The following ARB2A variants were observed in gnomAD, a reference collection of about 807,000 sequenced individuals.
The protein encoded by ARB2A is cotranscriptional regulator ARB2A.
At chr5:94,104,339 G>GA in the ARB2A span, among the ~76,000 whole-genome samples, 1 of 148,502 alleles carries the variant, frequency 6.7e-6, no homozygotes. Flanking sequence ...TGACCCCACA[G>GA]AAATAAAAAA....
chr5:94,095,360 A>G, the ARB2A span, among the ~76,000 whole-genome samples: 139 of 152,306 alleles, frequency 9.1e-4, 1 homozygote, highest in African/African-American at 3.2e-3. Flanking sequence ...AATCGAGATA[A>G]GAGTAACCAT....
the ARB2A span, among the ~76,000 whole-genome samples, chr5:94,053,727 G>C: frequency 6.6e-6 from 1 of 152,024 alleles, no homozygotes; most frequent in African/African-American, 2.4e-5. Flanking sequence ...CACATCATTT[G>C]AATCCATGCA....
the ARB2A span, among the ~76,000 whole-genome samples, chr5:93,835,129 A>C: frequency 6.6e-6 from 1 of 152,222 alleles, no homozygotes; most frequent in African/African-American, 2.4e-5. Context: ...GGAATTTCCT[A>C]ATGTACTCTT....
chr5:93,869,281 G>C, the ARB2A span, among the ~76,000 whole-genome samples: 2 of 152,138 alleles, frequency 1.3e-5, no homozygotes, highest in Non-Finnish European at 2.9e-5. Flanking sequence ...GAAGGTTGTG[G>C]GAGTAGAGAG....
chr5:93,740,517 C>T, the ARB2A span: 3 of 1,504,754 alleles, frequency 2.0e-6, no homozygotes, highest in South Asian at 3.9e-5. Context: ...AGGGACATTT[C>T]CTGGGTTTTC....
chr5:93,779,088 A>AGAGT, the ARB2A span, among the ~76,000 whole-genome samples: 4 of 99,740 alleles, frequency 4.0e-5, no homozygotes, highest in African/African-American at 1.1e-4. Context: ...TGGTCATTTC[A>AGAGT]GAGTGTGTGT....
the ARB2A span, among the ~76,000 whole-genome samples, chr5:94,076,368 ACT>A: frequency 6.6e-6 from 1 of 152,100 alleles, no homozygotes; most frequent in Non-Finnish European, 1.5e-5. Context: ...GTAACTCAAA[ACT>A]CTATAATTTC....
chr5:93,898,711 T>C, the ARB2A span, among the ~76,000 whole-genome samples: 2 of 152,106 alleles, frequency 1.3e-5, no homozygotes, highest in South Asian at 2.1e-4. Flanking sequence ...CAAAAAATGA[T>C]ATGATTGGCT....
chr5:93,978,086 A>G, the ARB2A span, among the ~76,000 whole-genome samples: 1 of 152,194 alleles, frequency 6.6e-6, no homozygotes, highest in Non-Finnish European at 1.5e-5. Context: ...CAATATTCAA[A>G]TGGCTGTTAT....
At chr5:94,033,100 T>C in the ARB2A span, among the ~76,000 whole-genome samples, 6 of 152,140 alleles carry the variant, frequency 3.9e-5, no homozygotes, top group Non-Finnish European at 7.4e-5. Flanking sequence ...ACATGCCTGC[T>C]TCCCCTTCTG....
chr5:94,008,149 A>G, the ARB2A span, among the ~76,000 whole-genome samples: 1 of 152,222 alleles, frequency 6.6e-6, no homozygotes, highest in African/African-American at 2.4e-5. Flanking sequence ...GCATTTCTCT[A>G]CCACCTTTTA....
the ARB2A span, among the ~76,000 whole-genome samples, chr5:94,022,828 T>C: frequency 6.6e-6 from 1 of 152,220 alleles, no homozygotes; most frequent in African/African-American, 2.4e-5. Context: ...CAAGAAGCAC[T>C]GGCTTGTAGG....
At chr5:93,778,415 TATGTAA>T in the ARB2A span, among the ~76,000 whole-genome samples, 1 of 152,226 alleles carries the variant, frequency 6.6e-6, no homozygotes. Context: ...AGTGTCAAGA[TATGTAA>T]ATGGATGATT....
At chr5:93,958,776 C>T in the ARB2A span, 5 of 1,491,452 alleles carry the variant, frequency 3.4e-6, no homozygotes, top group Non-Finnish European at 4.5e-6. Flanking sequence ...ATTGTACTTA[C>T]AGCCACAGCT....
At chr5:94,084,560 A>C in the ARB2A span, among the ~76,000 whole-genome samples, 4 of 152,218 alleles carry the variant, frequency 2.6e-5, no homozygotes, top group Non-Finnish European at 4.4e-5. Context: ...AAAAAGTTAC[A>C]TGGAAAGAGA....
chr5:93,682,901 T>C, the ARB2A span: 1 of 1,551,702 alleles, frequency 6.4e-7, no homozygotes, highest in Non-Finnish European at 8.8e-7. Context: ...CCGGAAGCAA[T>C]TCTTCACATA....
the ARB2A span, among the ~76,000 whole-genome samples, chr5:93,882,868 C>G: frequency 6.6e-6 from 1 of 151,318 alleles, no homozygotes; most frequent in Admixed American, 6.6e-5. Context: ...AAATCTCATC[C>G]TTACTTAAAA....
chr5:93,874,395 T>G, the ARB2A span, among the ~76,000 whole-genome samples: 3 of 152,138 alleles, frequency 2.0e-5, no homozygotes, highest in African/African-American at 7.2e-5. Context: ...TAGAGGGTAC[T>G]TTCAGCCTCA....
the ARB2A span, among the ~76,000 whole-genome samples, chr5:93,788,471 C>T: frequency 6.6e-6 from 1 of 152,274 alleles, no homozygotes; most frequent in Non-Finnish European, 1.5e-5. Flanking sequence ...ACCTAATTTA[C>T]CGCACCATGC....
Sources: gnomAD v4.1 joint callset for allele counts (sites outside exome capture counted in the v4.1 genomes callset) on GRCh38, gnomAD v4.1.1 for gene constraint, MANE v1.5 for transcripts, NCBI Gene and HGNC (gene_info 2026-07-23, HGNC 2026-07-21) for gene names.